Variants in LARP1 observed in about 807,000 individuals in gnomAD.
LARP1 encodes the protein La ribonucleoprotein 1, translational regulator, also known as la-related protein 1.
A neutral mutation model predicts 122.7 loss-of-function variants in LARP1; 36 were observed. The observed-to-expected ratio is 0.29, with a 90% CI of 0.22 to 0.39. The LOEUF is 0.39. Among genes scored for constraint, LARP1 ranks in the 10% least tolerant of loss-of-function variants. The pLI is 1.00. For synonymous variants in LARP1, 539 were observed against 528.7 expected, an observed-to-expected ratio of 1.02 and a Z score of -0.27; for missense variants, 1,040 against 1,403.6, an observed-to-expected ratio of 0.74 and a Z score of 4.14.
intron 1 of LARP1, among the ~76,000 whole-genome samples, chr5:154,720,454 C>T (rs1462649908): frequency 1.3e-5 from 2 of 152,094 alleles, no homozygotes; most frequent in Non-Finnish European, 2.9e-5. Flanking sequence ...GTGGCTCACA[C>T]CTGTAATTCC....
At chr5:154,695,698 C>T (rs1473269998) in intron 1 of LARP1, among the ~76,000 whole-genome samples, 1 of 151,896 alleles carries the variant, frequency 6.6e-6, no homozygotes, top group Non-Finnish European at 1.5e-5. Flanking sequence ...CATGGTGAAA[C>T]CCTGTCTCTA....
In LARP1 at chr5:154,816,057, T is replaced by G. The variant is rs533406501; in HGVS notation, c.*1961T>G. 6.6e-6 allele frequency: 1 copy of G among 152,664 alleles called. No individual in the cohort carries two copies. The highest frequency in any genetic ancestry group is 2.4e-5 in the African/African-American group (1 of 41,572). 9.5% of individuals were successfully genotyped at this position (152,664 alleles called of 1,614,324 possible). A position where few individuals can be genotyped will look rare whatever the true frequency, so the allele number is the denominator to read the frequency against. ...GGCTTGCCCTTTACCTTGGGCACCT[T>G]GTTAATTTTTAGCCTGTGCCCTTCC... On this transcript the variant is annotated 3_prime_UTR_variant, in exon 19 of 19. Transcript: ENST00000518297.
intron 1 of LARP1, among the ~76,000 whole-genome samples, chr5:154,735,437 A>G (rs943359684): frequency 2.0e-5 from 3 of 151,760 alleles, no homozygotes; most frequent in Non-Finnish European, 4.4e-5. Context: ...TGGGTGACAG[A>G]GCGAGACTCT....
chr5:154,733,621 G>A (rs1322234553), intron 1 of LARP1, among the ~76,000 whole-genome samples: 1 of 151,442 alleles, frequency 6.6e-6, no homozygotes, highest in Non-Finnish European at 1.5e-5. Context: ...GGAGTGCAGT[G>A]GTGCCATCTT....
At chr5:154,789,101 C>CT (rs1358139959) in intron 1 of LARP1, among the ~76,000 whole-genome samples, 1 of 151,390 alleles carries the variant, frequency 6.6e-6, no homozygotes, top group Non-Finnish European at 1.5e-5. Flanking sequence ...GTCCCAGCTA[C>CT]TTGGGAGGCT....
intron 1 of LARP1, among the ~76,000 whole-genome samples, chr5:154,745,576 T>A (rs1008324613): frequency 2.0e-5 from 3 of 152,218 alleles, no homozygotes; most frequent in Non-Finnish European, 4.4e-5. Flanking sequence ...ACAGAGGAAT[T>A]TGCCCAAGGT....
intron 1 of LARP1, among the ~76,000 whole-genome samples, chr5:154,787,390 T>C (rs1466389821): frequency 6.6e-6 from 1 of 152,160 alleles, no homozygotes; most frequent in Non-Finnish European, 1.5e-5. Flanking sequence ...TGAACCTGTA[T>C]ATTCTGTGTG....
chr5:154,738,523 C>T (rs1020854614), intron 1 of LARP1, among the ~76,000 whole-genome samples: 31 of 152,064 alleles, frequency 2.0e-4, no homozygotes, highest in Admixed American at 1.9e-3. Context: ...ACCTGAGAGG[C>T]GGATGTTGCA....
Position 154,729,208 on chromosome 5 carries a change from C to A in LARP1, c.205+16078C>A, listed in dbSNP as rs933467982. 4.4e-5 allele frequency: 7 copies of A among 158,714 alleles called. No individual in the cohort carries two copies. In the East Asian group the frequency reaches 5.6e-4, roughly 13 times the overall value. The allele number at this position is 158,714 out of a possible 1,614,324, so 9.8% of individuals were successfully genotyped here. On this transcript the variant is annotated intron_variant, in intron 1 of 18. Transcript: ENST00000336314. Reference sequence around the variant, plus strand: ...CTTTTCTTCCTTTCAGCCGAAACTGCCACCTTCCAATAATTCACCAAAATG... The same window carrying A: ...CTTTTCTTCCTTTCAGCCGAAACTGACACCTTCCAATAATTCACCAAAATG...
chr5:154,767,075 G>A (rs1755013887), intron 1 of LARP1, among the ~76,000 whole-genome samples: 1 of 152,186 alleles, frequency 6.6e-6, no homozygotes. Context: ...CTCTACCTCT[G>A]GAGGAAGAAG....
intron 1 of LARP1, among the ~76,000 whole-genome samples, chr5:154,701,455 A>G (rs919953373): frequency 6.6e-6 from 1 of 151,820 alleles, no homozygotes; most frequent in Admixed American, 6.6e-5. Flanking sequence ...TCCCCTCCCC[A>G]TGTTCAGAGC....
At chr5:154,777,895 T>C (rs1756049107) in intron 1 of LARP1, among the ~76,000 whole-genome samples, 1 of 152,194 alleles carries the variant, frequency 6.6e-6, no homozygotes, top group Non-Finnish European at 1.5e-5. Context: ...TCTATTATAA[T>C]CTTACGGGAC....
chr5:154,709,782 C>T (rs1755128987), upstream of LARP1, among the ~76,000 whole-genome samples: 1 of 151,992 alleles, frequency 6.6e-6, no homozygotes, highest in Admixed American at 6.6e-5. Context: ...TAAAGCCTGC[C>T]ACCAGATGCA....
In LARP1 at chr5:154,802,307, G is replaced by A. The variant is rs1429307304; in HGVS notation, c.2017G>A (p.Ala673Thr). 7.4e-6 allele frequency: 12 copies of A among 1,614,076 alleles called. No homozygotes were observed. The highest frequency in any genetic ancestry group is 1.1e-5 in the South Asian group (1 of 91,088). ...CCACACCTCGCGTGCCAAGATGAGCGCCGAACTGGCCAAGGTCATTAATGA... is the reference window on the plus strand; with the variant it reads ...CCACACCTCGCGTGCCAAGATGAGCACCGAACTGGCCAAGGTCATTAATGA... ...GNHTSRAKMS[A>T]ELAKVINDGL... The change falls in exon 11 of 19, where the codon GCC (alanine) becomes ACC (threonine). Residue 673 changes from alanine to threonine, a missense_variant. This residue lies in a region of LARP1 where 362 missense variants were observed against 533.1 expected (regional missense o/e 0.68). Transcript: ENST00000518297. The surrounding 1 kb of genome is among the most constrained non-coding windows in gnomAD (Gnocchi z 5.1).
chr5:154,754,702 C>T (rs970392761), upstream of LARP1, among the ~76,000 whole-genome samples: 1 of 152,230 alleles, frequency 6.6e-6, no homozygotes, highest in South Asian at 2.1e-4. Flanking sequence ...AACCCATCTC[C>T]GGGTAGTGTC....
intron 1 of LARP1, among the ~76,000 whole-genome samples, chr5:154,713,984 C>T (rs1008242346): frequency 6.6e-6 from 1 of 152,216 alleles, no homozygotes; most frequent in African/African-American, 2.4e-5. Context: ...ACCGCTTGTG[C>T]TGAAAATCAG....
intron 1 of LARP1, among the ~76,000 whole-genome samples, chr5:154,695,588 C>T (rs111534458): frequency 0.023 from 3,444 of 152,016 alleles, 129 homozygotes; most frequent in African/African-American, 0.078. Flanking sequence ...ACCTGGGAGG[C>T]GGAGGTTGTA....
At chr5:154,752,787 A>G (rs1266085962), upstream of LARP1, among the ~76,000 whole-genome samples, 1 of 151,774 alleles carries the variant, frequency 6.6e-6, no homozygotes, top group Non-Finnish European at 1.5e-5. Context: ...AAAAATACAA[A>G]AATTAGCTGG....
At chr5:154,690,389 C>G (rs1754136474) in intron 1 of LARP1, among the ~76,000 whole-genome samples, 1 of 152,186 alleles carries the variant, frequency 6.6e-6, no homozygotes, top group Non-Finnish European at 1.5e-5. Context: ...TAATAACTGG[C>G]CTTTGTCGTG....
Sources: gnomAD v4.1 joint callset for allele counts (sites outside exome capture counted in the v4.1 genomes callset) on GRCh38, gnomAD v4.1.1 for gene constraint, gnomAD v4.1.1 regional missense constraint, Gnocchi (gnomAD v3.1) non-coding constraint, MANE v1.5 for transcripts, NCBI Gene and HGNC (gene_info 2026-07-23, HGNC 2026-07-21) for gene names.